Variants in EPN2 observed in about 807,000 individuals in gnomAD.
EPN2 encodes the protein epsin 2, also known as epsin-2.
EPN2 carries 34 observed loss-of-function variants against 61.7 expected under a neutral mutation model. The ratio of observed to expected loss-of-function variants is 0.55; its 90% CI spans 0.42 to 0.73. The LOEUF is 0.73. Ranked by LOEUF, EPN2 falls within the 30% of genes least tolerant of loss-of-function variation. The pLI, the probability that EPN2 is intolerant of heterozygous loss-of-function variation, is 0.00. For missense variants in EPN2, 714 were observed against 839.2 expected, an observed-to-expected ratio of 0.85 and a Z score of 1.84; for synonymous variants, 349 against 353.6, an observed-to-expected ratio of 0.99 and a Z score of 0.15.
chr17:19,279,863 G>T (rs574611921), intron 1 of EPN2: 1 of 147,958 alleles, frequency 6.8e-6, no homozygotes, highest in Non-Finnish European at 1.5e-5. Flanking sequence ...TTGAGACAGG[G>T]TCTCACTCTA....
At chr17:19,316,478 C>T (rs1353332909) in intron 7 of EPN2, among the ~76,000 whole-genome samples, 2 of 152,230 alleles carry the variant, frequency 1.3e-5, no homozygotes, top group Non-Finnish European at 2.9e-5. Context: ...GCACCATGTC[C>T]TGTAGTTGTC....
chr17:19,287,028 C>T (rs1165907599), intron 4 of EPN2, among the ~76,000 whole-genome samples: 2 of 152,120 alleles, frequency 1.3e-5, no homozygotes, highest in African/African-American at 4.8e-5. Flanking sequence ...CTGACAAGGT[C>T]TGTTTTGAGC....
At chr17:19,330,969 T>G (rs1907131308) in intron 9 of EPN2, among the ~76,000 whole-genome samples, 1 of 152,226 alleles carries the variant, frequency 6.6e-6, no homozygotes, top group African/African-American at 2.4e-5. Context: ...TCGCCCAGGC[T>G]GGAGTGCACT....
chr17:19,248,169 A>G (rs189914440), intron 1 of EPN2, among the ~76,000 whole-genome samples: 1 of 152,330 alleles, frequency 6.6e-6, no homozygotes, highest in East Asian at 1.9e-4. Flanking sequence ...TTCCTGAGCT[A>G]TTGTAGAATG....
At chr17:19,257,658 C>T (rs1048809307) in intron 1 of EPN2, among the ~76,000 whole-genome samples, 1 of 152,010 alleles carries the variant, frequency 6.6e-6, no homozygotes, top group Non-Finnish European at 1.5e-5. Context: ...GCTGGGACTA[C>T]AGGCATGTGC....
At chr17:19,296,785 T>G (rs2152224195) in intron 4 of EPN2, 1 of 152,290 alleles carries the variant, frequency 6.6e-6, no homozygotes, top group Non-Finnish European at 1.5e-5. Flanking sequence ...AATTTTTAAT[T>G]TTTAGTAGAG....
chr17:19,264,333 G>T (rs1002029239), intron 1 of EPN2, among the ~76,000 whole-genome samples: 2 of 152,176 alleles, frequency 1.3e-5, no homozygotes, highest in African/African-American at 4.8e-5. Flanking sequence ...CCTCCTGTTG[G>T]GATGTCAGCT....
At chr17:19,291,397 G>T (rs1490249938) in intron 4 of EPN2, among the ~76,000 whole-genome samples, 1 of 150,094 alleles carries the variant, frequency 6.7e-6, no homozygotes, top group Non-Finnish European at 1.5e-5. Context: ...GGAGTGGAAT[G>T]GCAAGGCTAT....
intron 1 of EPN2, among the ~76,000 whole-genome samples, chr17:19,245,325 C>T (rs1238767113): frequency 6.6e-6 from 1 of 152,118 alleles, no homozygotes; most frequent in Non-Finnish European, 1.5e-5. Context: ...CTTTGTGATC[C>T]TGCAGCTCTG....
At chr17:19,314,152 C>T (rs1017587886) in intron 7 of EPN2, among the ~76,000 whole-genome samples, 3 of 152,096 alleles carry the variant, frequency 2.0e-5, no homozygotes, top group African/African-American at 4.8e-5. Flanking sequence ...TGTGCATGAC[C>T]CCTGAGACAA....
At chr17:19,302,919 A>T (rs1905602708) in intron 4 of EPN2, among the ~76,000 whole-genome samples, 1 of 152,152 alleles carries the variant, frequency 6.6e-6, no homozygotes, top group Non-Finnish European at 1.5e-5. Context: ...CAGGCTGATG[A>T]CACTCGGCCT....
chr17:19,270,011 T>C (rs1405913532), intron 1 of EPN2, among the ~76,000 whole-genome samples: 1 of 152,154 alleles, frequency 6.6e-6, no homozygotes, highest in African/African-American at 2.4e-5. Flanking sequence ...AGAATAAGAA[T>C]AGGGATTAAG....
chr17:19,239,305 C>T (rs144847914), intron 1 of EPN2, among the ~76,000 whole-genome samples: 517 of 152,290 alleles, frequency 3.4e-3, no homozygotes, highest in Non-Finnish European at 6.4e-3. Flanking sequence ...ACGCCATCCA[C>T]CACGCCCGGC....
At chr17:19,312,446 G>C (rs999889280) in intron 6 of EPN2, among the ~76,000 whole-genome samples, 1 of 152,230 alleles carries the variant, frequency 6.6e-6, no homozygotes, top group African/African-American at 2.4e-5. Context: ...CATGCCAGGG[G>C]CTGCGGAACG....
At chr17:19,263,994 G>A (rs560581317) in intron 1 of EPN2, among the ~76,000 whole-genome samples, 159 of 152,312 alleles carry the variant, frequency 1.0e-3, no homozygotes, top group African/African-American at 3.6e-3. Flanking sequence ...CTCGGCACAA[G>A]TTTCTAAAGT....
intron 1 of EPN2, among the ~76,000 whole-genome samples, chr17:19,254,413 T>C (rs28579632): frequency 0.44 from 66,366 of 151,170 alleles, 21,303 homozygotes; most frequent in East Asian, 0.99. Flanking sequence ...TGGTGATGCA[T>C]GCTTGTAATC....
chr17:19,279,471 C>T (rs1482903019), intron 1 of EPN2, among the ~76,000 whole-genome samples: 2 of 151,748 alleles, frequency 1.3e-5, no homozygotes, highest in Non-Finnish European at 2.9e-5. Context: ...CAGAGTCTCA[C>T]TGTGTCACCC....
intron 1 of EPN2, among the ~76,000 whole-genome samples, chr17:19,267,192 A>G (rs2045208712): frequency 1.3e-5 from 2 of 151,890 alleles, no homozygotes; most frequent in African/African-American, 2.4e-5. Context: ...AGGGAAATCC[A>G]TAGGGAGTAG....
chr17:19,246,001 G>A (rs922359755), intron 1 of EPN2, among the ~76,000 whole-genome samples: 2 of 151,910 alleles, frequency 1.3e-5, no homozygotes. Context: ...CTCCTACCTC[G>A]GGCTCCCCAA....
Sources: gnomAD v4.1 joint callset for allele counts (sites outside exome capture counted in the v4.1 genomes callset) on GRCh38, gnomAD v4.1.1 for gene constraint, MANE v1.5 for transcripts, NCBI Gene and HGNC (gene_info 2026-07-23, HGNC 2026-07-21) for gene names.